The following CASZ1 variants were observed in gnomAD, a reference collection of about 807,000 sequenced individuals.
CASZ1 encodes the protein zinc finger protein castor homolog 1.
A neutral mutation model predicts 135.2 loss-of-function variants in CASZ1; 28 were observed. The observed-to-expected ratio is 0.21, with a 90% CI of 0.15 to 0.28. The LOEUF is 0.28. Among genes scored for constraint, CASZ1 ranks in the 10% least tolerant of loss-of-function variants. The pLI, the probability that CASZ1 is intolerant of heterozygous loss-of-function variation, is 1.00. For synonymous variants in CASZ1, 1,068 were observed against 1,073.4 expected (o/e 0.99, Z 0.10); for missense variants, 2,161 against 2,453.3 (o/e 0.88, Z 2.52).
rs1205316970 is a variant in CASZ1 at position 10,650,674 on chromosome 1, G to C, written c.2880+18C>G. ...CTCTGGGTGGGGGAACGGGAGGCGT[G>C]TGATGGATGGCTCTTACCTTATTCA... On this transcript the variant is annotated intron_variant, in intron 13 of 20. Coordinates refer to ENST00000377022, the MANE Select transcript of CASZ1 (RefSeq NM_001079843.3). The C allele has an allele frequency of 1.9e-6, 3 of 1,607,046 alleles. No individual in the cohort carries two copies. Among genetic ancestry groups the C allele is most frequent in the Middle Eastern group, 1.7e-4 (1 of 6,038 alleles).
rs947000534 is a variant in CASZ1, at chr1:10,767,524, G to A, written c.-233-6667C>T. On this transcript the variant is annotated intron_variant, in intron 1 of 20. Transcript: ENST00000377022. The surrounding 1 kb of genome is among the most constrained non-coding windows in gnomAD (Gnocchi z 4.2). ...CAGGGAGGCCGGGAAGCAGAGAGCC[G>A]GAGGAGTCAGCAGCTGCCTGCCCCG... Among the ~76,000 whole-genome samples, 18 of 152,310 alleles carry A rather than the reference G, an allele frequency of 1.2e-4. No homozygotes were observed. Among genetic ancestry groups the A allele is most frequent in the African/African-American group, 3.8e-4 (16 of 41,560 alleles).
At chr1:10,779,318 G>A (rs948371011) in intron 1 of CASZ1, among the ~76,000 whole-genome samples, 2 of 146,236 alleles carry the variant, frequency 1.4e-5, no homozygotes, top group African/African-American at 5.1e-5. Context: ...CTGGCCTAGG[G>A]TTTTGGGCAA....
At chr1:10,775,930 G>T (rs1299930792) in intron 1 of CASZ1, among the ~76,000 whole-genome samples, 1 of 152,098 alleles carries the variant, frequency 6.6e-6, no homozygotes, top group Non-Finnish European at 1.5e-5. Flanking sequence ...CCCTCCCGCT[G>T]CAGCCTCTCC....
chr1:10,705,897 T>C (rs894543823), intron 2 of CASZ1, among the ~76,000 whole-genome samples: 3 of 152,232 alleles, frequency 2.0e-5, no homozygotes, highest in African/African-American at 7.2e-5. Flanking sequence ...TGAAGTGGCC[T>C]GCACGCTCCC....
chr1:10,786,575 A>C (rs1205345144), intron 1 of CASZ1, among the ~76,000 whole-genome samples: 1 of 152,200 alleles, frequency 6.6e-6, no homozygotes, highest in Non-Finnish European at 1.5e-5. Context: ...ATGTGGTCCT[A>C]ACATTTCACA....
intron 13 of CASZ1, chr1:10,650,171 C>A (rs545854588): frequency 2.6e-5 from 4 of 152,296 alleles, no homozygotes; most frequent in Admixed American, 2.6e-4. Context: ...TTGCTGTAGT[C>A]AAATGTATCA....
rs771313446 is a variant in CASZ1 at position 10,657,660 on chromosome 1, A to C, written c.1409+848T>G. 6.6e-6 allele frequency among the ~76,000 whole-genome samples: 1 copy of C among 151,960 alleles called. No homozygotes were observed. The highest frequency in any genetic ancestry group is 1.5e-5 in the Non-Finnish European group (1 of 67,994). ...GACAGTGGGATGGGGGTGGACAGAG[A>C]CAGAGCAGGACAGGGGATCGGAGAC... On this transcript the variant is annotated intron_variant, in intron 7 of 20. Coordinates refer to ENST00000377022, the MANE Select transcript of CASZ1 (RefSeq NM_001079843.3). This position sits in a 1 kb window ranked among gnomAD's most constrained non-coding sequence, Gnocchi z 5.7.
rs190229901 is a variant in CASZ1 at position 10,779,018 on chromosome 1, A to T, written c.-234+17546T>A. ...CAAGACCACTGCAAGAAGCGAAGGA[A>T]TCAACCCCACGAGCTAAATGTAGGG... is the stretch of plus-strand genomic sequence containing the variant. On this transcript the variant is annotated intron_variant, in intron 1 of 20. Transcript: ENST00000377022. Among the ~76,000 whole-genome samples the T allele has an allele frequency of 1.6e-3, 247 of 152,336 alleles. 1 individual carries two copies. The highest frequency in any genetic ancestry group is 5.8e-3 in the African/African-American group (241 of 41,574).
intron 1 of CASZ1, among the ~76,000 whole-genome samples, chr1:10,792,346 C>T (rs1247363145): frequency 1.5e-5 from 1 of 68,756 alleles, no homozygotes; most frequent in African/African-American, 5.3e-5. Flanking sequence ...CCCCCGGCCC[C>T]GCACACAAAG....
rs534779019 is a variant in CASZ1, at chr1:10,638,285, G to A, written c.*657C>T. On this transcript the variant is annotated 3_prime_UTR_variant, in exon 21 of 21. Coordinates refer to ENST00000377022, the MANE Select transcript of CASZ1 (RefSeq NM_001079843.3). This position sits in a 1 kb window ranked among gnomAD's most constrained non-coding sequence, Gnocchi z 5.9. ...CCCCAGCGGGCTACTCTGGGTTTTGGACGCAGCCTCGGTTTCCCTGGGGCG... is the reference window on the plus strand; with the variant it reads ...CCCCAGCGGGCTACTCTGGGTTTTGAACGCAGCCTCGGTTTCCCTGGGGCG... 6.6e-6 allele frequency: 1 copy of A among 151,832 alleles called. No homozygotes were observed. The highest frequency in any genetic ancestry group is 1.5e-5 in the Non-Finnish European group (1 of 67,884). 9.4% of individuals were successfully genotyped at this position (151,832 alleles called of 1,614,324 possible).
chr1:10,650,091 C>A (rs1373654332), intron 13 of CASZ1: 1 of 152,482 alleles, frequency 6.6e-6, no homozygotes, highest in Non-Finnish European at 1.5e-5. Flanking sequence ...TGGGGCCCTG[C>A]GGCGAGAGGT....
chr1:10,677,068 C>T (rs1176130007), intron 4 of CASZ1, among the ~76,000 whole-genome samples: 2 of 152,204 alleles, frequency 1.3e-5, no homozygotes, highest in African/African-American at 4.8e-5. Flanking sequence ...GGGCAGAGCC[C>T]CCTGGGGCTC....
chr1:10,712,310 C>T (rs1639301971), intron 2 of CASZ1, among the ~76,000 whole-genome samples: 1 of 152,144 alleles, frequency 6.6e-6, no homozygotes, highest in Non-Finnish European at 1.5e-5. Flanking sequence ...CGCCTCATTG[C>T]ACTCCAGCCT....
intron 1 of CASZ1, among the ~76,000 whole-genome samples, chr1:10,779,144 A>C (rs1361468293): frequency 6.6e-6 from 1 of 151,956 alleles, no homozygotes. Context: ...TCCGAGTCTT[A>C]CCTTGTTTTT....
At chr1:10,729,153 C>A (rs544110963) in intron 2 of CASZ1, among the ~76,000 whole-genome samples, 2 of 152,128 alleles carry the variant, frequency 1.3e-5, no homozygotes, top group Non-Finnish European at 2.9e-5. Flanking sequence ...CGGCTCCTGC[C>A]CCCCAGGCCC....
At chr1:10,703,716 G>C (rs993090275) in intron 3 of CASZ1, among the ~76,000 whole-genome samples, 2 of 152,146 alleles carry the variant, frequency 1.3e-5, no homozygotes, top group Non-Finnish European at 2.9e-5. Context: ...CCTCTCGAGC[G>C]GGGGCCGGAA....
chr1:10,662,766 C>T (rs1001878071), intron 5 of CASZ1, among the ~76,000 whole-genome samples: 3 of 152,122 alleles, frequency 2.0e-5, no homozygotes, highest in East Asian at 1.9e-4. Flanking sequence ...CAGACTCTTG[C>T]GCTCACACTC....
intron 1 of CASZ1, among the ~76,000 whole-genome samples, chr1:10,772,296 AC>A: frequency 6.6e-6 from 1 of 152,084 alleles, no homozygotes; most frequent in Non-Finnish European, 1.5e-5. Context: ...AGTCCCAGGC[AC>A]CCCCAGAGGG....
chr1:10,685,692 T>C (rs900651993), intron 4 of CASZ1, among the ~76,000 whole-genome samples: 1 of 151,896 alleles, frequency 6.6e-6, no homozygotes, highest in African/African-American at 2.4e-5. Context: ...TGGCCCCGCA[T>C]GGCCTGCAAT....
Sources: allele counts gnomAD v4.1 joint callset (sites outside exome capture counted in the v4.1 genomes callset), GRCh38; gene constraint gnomAD v4.1.1; non-coding constraint Gnocchi (gnomAD v3.1); transcripts MANE v1.5; gene names NCBI Gene and HGNC (gene_info 2026-07-23, HGNC 2026-07-21).